The following DYSF variants were observed in gnomAD, a reference collection of about 807,000 sequenced individuals.
DYSF encodes dysferlin, also known as dystrophy-associated fer-1-like 1.
A neutral mutation model predicts 274.9 loss-of-function variants in DYSF; 212 were observed. The ratio of observed to expected loss-of-function variants is 0.77; its 90% CI spans 0.69 to 0.86. The LOEUF is 0.86. DYSF is among the 40% of genes least tolerant of loss of function. The probability of loss-of-function intolerance (pLI) is 0.00; values close to 1 mark genes in which losing one functional copy is unlikely to be tolerated. For synonymous variants in DYSF, 1,091 were observed against 1,078.7 expected (o/e 1.01, Z -0.22); for missense variants, 2,666 against 2,783.2 (o/e 0.96, Z 0.95).
intron 1 of DYSF, among the ~76,000 whole-genome samples, chr2:71,470,964 A>G (rs1388488050): frequency 4.6e-5 from 7 of 151,230 alleles, no homozygotes; most frequent in Admixed American, 2.6e-4. Flanking sequence ...GCTAATTTTT[A>G]TTTTTATTTT....
intron 40 of DYSF, among the ~76,000 whole-genome samples, chr2:71,619,324 G>A (rs1247540221): frequency 1.3e-5 from 2 of 152,072 alleles, no homozygotes; most frequent in African/African-American, 4.8e-5. Context: ...CAGCAGCCCT[G>A]GCTAGGTGCC....
In DYSF at chr2:71,570,752, AGGTGGTG is replaced by A. The variant is rs756933311; in HGVS notation, c.3228+17_3228+23del. 6.2e-7 allele frequency: 1 copy of A among 1,613,488 alleles called. No homozygotes were observed. The highest frequency in any genetic ancestry group is 1.1e-5 in the South Asian group (1 of 91,080). On this transcript the variant is annotated intron_variant, in intron 29 of 55. Coordinates refer to ENST00000410020, the MANE Select transcript of DYSF (RefSeq NM_001130987.2). ...GAAGCACTGAAAAGGGTGAGCCAGC[AGGTGGTG>A]GGTGGGAGTGAGGCCTGTGGTCACA...
Position 71,664,951 on chromosome 2 carries a change from G to T in DYSF, c.5175-211G>T, listed in dbSNP as rs541412975. Among the ~76,000 whole-genome samples, 2 of 152,206 alleles carry T rather than the reference G, an allele frequency of 1.3e-5. 1 individual carries two copies. The highest frequency in any genetic ancestry group is 4.1e-4 in the South Asian group (2 of 4,834). The stretch of plus-strand genomic sequence containing the variant: ...TTGAAAACATTTAAGTTGCAATTCC[G>T]TACTTAAATGAGTCCTTTTCTCTCT... On this transcript the variant is annotated intron_variant, in intron 46 of 55. Transcript: ENST00000410020.
intron 51 of DYSF, among the ~76,000 whole-genome samples, chr2:71,673,196 GAGTTAT>G (rs1390014839): frequency 6.6e-6 from 1 of 152,240 alleles, no homozygotes; most frequent in East Asian, 1.9e-4. Flanking sequence ...ACCCAGGGGA[GAGTTAT>G]AGTGAGAAAA....
At chr2:71,598,429 C>T (rs1299704427) in intron 32 of DYSF, 135 bp from the exon 33 acceptor site, 10 of 1,076,436 alleles carry the variant, frequency 9.3e-6, no homozygotes, top group Non-Finnish European at 1.2e-5. Flanking sequence ...AGATGCATCC[C>T]AGCATGAATG....
chr2:71,538,961 T>A (rs1294006277), intron 16 of DYSF, among the ~76,000 whole-genome samples, 196 bp from the exon 17 acceptor site: 3 of 152,176 alleles, frequency 2.0e-5, no homozygotes, highest in African/African-American at 7.2e-5. Context: ...CAGAGAGTCT[T>A]GGGCAAACCT....
chr2:71,508,333 G>GGAC (rs1375219451), intron 4 of DYSF, among the ~76,000 whole-genome samples: 3 of 152,052 alleles, frequency 2.0e-5, no homozygotes, highest in African/African-American at 7.2e-5. Context: ...AAATTAACAT[G>GGAC]GACACAGCAC....
At chr2:71,677,060 C>T (rs1194219851) in intron 52 of DYSF, among the ~76,000 whole-genome samples, 1 of 151,998 alleles carries the variant, frequency 6.6e-6, no homozygotes, top group Non-Finnish European at 1.5e-5. Flanking sequence ...GTGGGTGGAG[C>T]ATAGATGAAT....
intron 24 of DYSF, among the ~76,000 whole-genome samples, chr2:71,564,904 C>A (rs973673453): frequency 6.6e-6 from 1 of 152,162 alleles, no homozygotes; most frequent in Non-Finnish European, 1.5e-5. Flanking sequence ...TAGGCTCATG[C>A]GCGGACATAG....
At position 71,656,201 on chromosome 2, in the gene DYSF, G is replaced by A. The variant is rs1043811923; in HGVS notation, c.4666G>A (p.Gly1556Ser). The change falls in exon 43 of 56, where the codon GGC becomes AGC. Residue 1556 changes from glycine (G) to serine (S), a missense_variant. By Grantham distance (56) the Gly-to-Ser change is moderately conservative. Coordinates refer to ENST00000410020, the MANE Select transcript of DYSF (RefSeq NM_001130987.2). The part of the protein sequence containing the change: ...TQLENVEAFE[G>S]LSDFCNTFKL... ...GCTGGAGAATGTGGAGGCCTTTGAGGGCCTGTCTGACTTTTGTAACACCTT... is the reference window on the plus strand; with the variant it reads ...GCTGGAGAATGTGGAGGCCTTTGAGAGCCTGTCTGACTTTTGTAACACCTT... 1 of 1,614,032 alleles carries A rather than the reference G, an allele frequency of 6.2e-7. No individual in the cohort carries two copies. Among genetic ancestry groups the A allele is most frequent in the African/African-American group, 1.3e-5 (1 of 74,894 alleles).
At chr2:71,493,632 A>G (rs2084082479) in intron 3 of DYSF, among the ~76,000 whole-genome samples, 1 of 152,158 alleles carries the variant, frequency 6.6e-6, no homozygotes, top group Non-Finnish European at 1.5e-5. Flanking sequence ...TGGGTGGATC[A>G]TTTGAGGTCA....
At chr2:71,454,137 G>A in intron 1 of DYSF, 1 of 1,556,734 alleles carries the variant, frequency 6.4e-7, no homozygotes, top group Non-Finnish European at 8.8e-7. Context: ...GTAGAGGAGG[G>A]GACGCCGCGG....
intron 49 of DYSF, 70 bp downstream of exon 49, chr2:71,668,912 A>T: frequency 6.6e-7 from 1 of 1,513,986 alleles, no homozygotes; most frequent in East Asian, 2.4e-5. Flanking sequence ...TGTGGGCGGG[A>T]CTAGGCGGTT....
chr2:71,653,699 C>T (rs748071970), intron 42 of DYSF, among the ~76,000 whole-genome samples: 134 of 151,136 alleles, frequency 8.9e-4, no homozygotes, highest in Non-Finnish European at 1.1e-3. Flanking sequence ...TTAGGAGATA[C>T]ACCTAATGTT....
intron 53 of DYSF, among the ~76,000 whole-genome samples, chr2:71,679,539 C>G (rs901347927): frequency 2.6e-5 from 4 of 152,106 alleles, no homozygotes; most frequent in Non-Finnish European, 5.9e-5. Context: ...TCCCTCTGAT[C>G]TGGACTTCCT....
chr2:71,606,554 C>T (rs545046139), intron 36 of DYSF, among the ~76,000 whole-genome samples: 4 of 152,164 alleles, frequency 2.6e-5, no homozygotes, highest in Admixed American at 2.6e-4. Context: ...CTGTGCCCCT[C>T]AAGTGGGCTG....
At chr2:71,524,423 A>G (rs546214278) in intron 12 of DYSF, among the ~76,000 whole-genome samples, 76 of 152,308 alleles carry the variant, frequency 5.0e-4, no homozygotes, top group African/African-American at 1.8e-3. Context: ...TGGATGCCTG[A>G]AAGATGATTG....
intron 51 of DYSF, among the ~76,000 whole-genome samples, chr2:71,673,652 A>G (rs1239481857): frequency 6.6e-6 from 1 of 152,050 alleles, no homozygotes; most frequent in Non-Finnish European, 1.5e-5. Flanking sequence ...GTACAGAGCA[A>G]GGTTTAAGGT....
intron 41 of DYSF, 55 bp from the exon 42 acceptor site, chr2:71,643,910 A>G (rs1027949339): frequency 1.4e-6 from 2 of 1,420,188 alleles, no homozygotes; most frequent in African/African-American, 1.4e-5. Context: ...ACTCTGAAGA[A>G]TGCTGCTTGG....
Sources: allele counts gnomAD v4.1 joint callset (sites outside exome capture counted in the v4.1 genomes callset), GRCh38; gene constraint gnomAD v4.1.1; transcripts MANE v1.5; gene names NCBI Gene and HGNC (gene_info 2026-07-23, HGNC 2026-07-21).